CDC6: variants seen among roughly 807,000 people sequenced by gnomAD.
The protein encoded by CDC6 is cell division cycle 6.
CDC6 carries 46 observed loss-of-function variants against 60.2 expected under a neutral mutation model. The ratio of observed to expected loss-of-function variants is 0.76; its 90% confidence interval spans 0.60 to 0.98. CDC6 has a LOEUF of 0.98. Among genes scored for constraint, CDC6 ranks in the 50% least tolerant of loss-of-function variants. The pLI is 0.00. For synonymous variants in CDC6, 210 were observed against 233.2 expected (o/e 0.90, Z 0.90); for missense variants, 596 against 652.9 (o/e 0.91, Z 0.95).
Position 40,293,558 on chromosome 17 carries a change from G to A in CDC6, c.763G>A (p.Val255Ile). 6.2e-7 allele frequency: 1 copy of A among 1,613,882 alleles called. No homozygotes were observed. Among genetic ancestry groups the A allele is most frequent in the African/African-American group, 1.3e-5 (1 of 75,040 alleles). ...AIAQEICQEE[V>I]SRPAGKDMMR... Reference sequence around the variant, plus strand: ...TGCTCAGGAGATTTGTCAGGAAGAGGTATCCAGGCCAGCTGGGAAGGACAT... The same window carrying A: ...TGCTCAGGAGATTTGTCAGGAAGAGATATCCAGGCCAGCTGGGAAGGACAT... The change falls in exon 5 of 12, where the codon GTA (valine) becomes ATA (isoleucine). Residue 255 changes from valine to isoleucine, a missense_variant. Physicochemically the swap from Val to Ile is conservative, Grantham distance 29. Coordinates refer to ENST00000209728, the MANE Select transcript of CDC6 (RefSeq NM_001254.4).
chr17:40,298,399 T>TG (rs1312671285), intron 9 of CDC6, among the ~76,000 whole-genome samples: 1 of 149,254 alleles, frequency 6.7e-6, no homozygotes, highest in African/African-American at 2.5e-5. Flanking sequence ...TTTTCTTTCT[T>TG]TTTTTTTTTT....
At chr17:40,296,813 T>A in intron 9 of CDC6, 46 bp downstream of exon 9, 1 of 1,227,114 alleles carries the variant, frequency 8.1e-7, no homozygotes, top group South Asian at 1.2e-5. Context: ...ACTAGAAGCT[T>A]AGCTTTTCTG....
chr17:40,301,315 T>A (rs1339609749), intron 10 of CDC6, among the ~76,000 whole-genome samples, 153 bp from the exon 11 acceptor site: 1 of 152,236 alleles, frequency 6.6e-6, no homozygotes, highest in Non-Finnish European at 1.5e-5. Context: ...CGGGAATATC[T>A]ACAGAAGCCT....
intron 9 of CDC6, among the ~76,000 whole-genome samples, chr17:40,297,337 A>T (rs1421399561): frequency 1.3e-5 from 2 of 152,198 alleles, no homozygotes; most frequent in African/African-American, 2.4e-5. Context: ...AGGGACATGG[A>T]TTAAGCTGGA....
In CDC6 at chr17:40,291,675, T is replaced by G; in HGVS notation, c.660+7T>G. On this transcript the variant is annotated splice_region_variant and intron_variant, in intron 4 of 11. Coordinates refer to ENST00000209728, the MANE Select transcript of CDC6 (RefSeq NM_001254.4). Reference sequence around the variant, plus strand: ...GATTCTGCAAGACCTCAAGGTACATTGAGAGTCTGAATTATGATACTCTTG... The same window carrying G: ...GATTCTGCAAGACCTCAAGGTACATGGAGAGTCTGAATTATGATACTCTTG... 1.2e-6 allele frequency: 2 copies of G among 1,611,064 alleles called. No homozygotes were observed. Among genetic ancestry groups the G allele is most frequent in the South Asian group, 2.2e-5 (2 of 91,010 alleles).
chr17:40,294,078 T>C, intron 6 of CDC6, 22 bp downstream of exon 6: 7 of 1,494,782 alleles, frequency 4.7e-6, no homozygotes, highest in Non-Finnish European at 6.5e-6. Context: ...ATTGTTAATG[T>C]TACATGGTGG....
At chr17:40,293,762 T>C in intron 5 of CDC6, 131 bp downstream of exon 5, 1 of 899,064 alleles carries the variant, frequency 1.1e-6, no homozygotes, top group East Asian at 2.5e-5. Flanking sequence ...AGAAGGAAGA[T>C]ACACCTAATT....
At chr17:40,293,355 C>A in intron 4 of CDC6, 101 bp from the exon 5 acceptor site, 4 of 808,000 alleles carry the variant, frequency 5.0e-6, no homozygotes, top group Admixed American at 2.0e-5. Flanking sequence ...GAAAGTAGAG[C>A]TTCCTTACGT....
chr17:40,292,929 CAA>C (rs1212766489), intron 4 of CDC6, among the ~76,000 whole-genome samples: 4 of 141,452 alleles, frequency 2.8e-5, no homozygotes, highest in African/African-American at 7.8e-5. Context: ...GACTCCGTCT[CAA>C]AAAAAAAAAG....
At chr17:40,301,414 G>A in intron 10 of CDC6, 54 bp from the exon 11 acceptor site, 3 of 1,577,366 alleles carry the variant, frequency 1.9e-6, no homozygotes, top group Non-Finnish European at 2.6e-6. Context: ...ATGATTAAAG[G>A]CTATAAGCAA....
At chr17:40,288,151 G>A (rs2143060604) in intron 1 of CDC6, 61 bp downstream of exon 1, 1 of 153,040 alleles carries the variant, frequency 6.5e-6, no homozygotes, top group Non-Finnish European at 1.5e-5. Flanking sequence ...CAGGGAAAGG[G>A]CAGGTGCCCT....
At chr17:40,296,675 AAATT>A (rs762183395) in intron 8 of CDC6, 24 bp from the exon 9 acceptor site, 6 of 1,390,744 alleles carry the variant, frequency 4.3e-6, no homozygotes, top group Non-Finnish European at 6.1e-6. Context: ...GGCTCAGACT[AAATT>A]AATTTTAGAA....
chr17:40,293,193 T>G (rs2032794866), intron 4 of CDC6, among the ~76,000 whole-genome samples: 1 of 151,832 alleles, frequency 6.6e-6, no homozygotes, highest in Non-Finnish European at 1.5e-5. Flanking sequence ...GAGTTGAGAT[T>G]GTGGCATTGC....
rs2032965450 is a variant in CDC6, at chr17:40,303,473, C to G, written c.*1472C>G. 1 of 152,208 alleles carries G rather than the reference C, an allele frequency of 6.6e-6. No homozygotes were observed. Among genetic ancestry groups the G allele is most frequent in the Non-Finnish European group, 1.5e-5 (1 of 68,050 alleles). 9.4% of individuals were successfully genotyped at this position (152,208 alleles called of 1,614,324 possible). A position where few individuals can be genotyped will look rare whatever the true frequency, so the allele number is the denominator to read the frequency against. On this transcript the variant is annotated 3_prime_UTR_variant, in exon 12 of 12. Coordinates refer to ENST00000209728, the MANE Select transcript of CDC6 (RefSeq NM_001254.4). Reference sequence around the variant, plus strand: ...TCTGTTGGCCACTGTTTCATTCATCCTGACCACTGTATCCGTGTAATGTGA... The same window carrying G: ...TCTGTTGGCCACTGTTTCATTCATCGTGACCACTGTATCCGTGTAATGTGA...
At chr17:40,301,194 T>C (rs1231134158) in intron 10 of CDC6, among the ~76,000 whole-genome samples, 164 bp downstream of exon 10, 1 of 152,220 alleles carries the variant, frequency 6.6e-6, no homozygotes, top group African/African-American at 2.4e-5. Context: ...CCTATTTCCC[T>C]TGGATTGTGG....
At position 40,294,513 on chromosome 17, in the gene CDC6, A is replaced by C; in HGVS notation, c.1083+10A>C. The C allele has an allele frequency of 6.2e-7, 1 of 1,613,704 alleles. No individual in the cohort carries two copies. The highest frequency in any genetic ancestry group is 8.5e-7 in the Non-Finnish European group (1 of 1,179,710). The stretch of plus-strand genomic sequence containing the variant: ...AGATCGACTTAATCAGGTCAGTGCC[A>C]ACTATTTTGCCAAATTATGTGTTCC... On this transcript the variant is annotated intron_variant, in intron 7 of 11. Transcript: ENST00000209728.
chr17:40,296,327 CCT>C (rs2032858605), intron 8 of CDC6, among the ~76,000 whole-genome samples: 1 of 151,996 alleles, frequency 6.6e-6, no homozygotes. Flanking sequence ...CACTACATAT[CCT>C]CTCTCCTACC....
rs2032958586 is a variant in CDC6, at chr17:40,302,771, C to A, written c.*770C>A. The A allele has an allele frequency of 1.3e-5, 2 of 152,244 alleles. No individual in the cohort carries two copies. The highest frequency in any genetic ancestry group is 6.5e-5 in the Admixed American group (1 of 15,284). The allele number at this position is 152,244 out of a possible 1,614,324, so 9.4% of individuals were successfully genotyped here. Reference sequence around the variant, plus strand: ...AGGACACTGGTTAAAGAATTTATTTCTTTGTATAGTATACTATGTTCATGG... The same window carrying A: ...AGGACACTGGTTAAAGAATTTATTTATTTGTATAGTATACTATGTTCATGG... On this transcript the variant is annotated 3_prime_UTR_variant, in exon 12 of 12. Coordinates refer to ENST00000209728, the MANE Select transcript of CDC6 (RefSeq NM_001254.4).
intron 10 of CDC6, 58 bp downstream of exon 10, chr17:40,301,088 C>A: frequency 8.1e-7 from 1 of 1,228,502 alleles, no homozygotes; most frequent in Non-Finnish European, 1.2e-6. Flanking sequence ...CTTTGCAGAG[C>A]AGGTATTTTC....
Sources: gnomAD v4.1 joint callset for allele counts (sites outside exome capture counted in the v4.1 genomes callset) on GRCh38, gnomAD v4.1.1 for gene constraint, MANE v1.5 for transcripts, NCBI Gene and HGNC (gene_info 2026-07-23, HGNC 2026-07-21) for gene names.